The following XYLB variants were observed in gnomAD, a reference collection of about 807,000 sequenced individuals.
XYLB encodes xylulokinase.
XYLB carries 62 observed loss-of-function variants against 78.7 expected under a neutral mutation model. The ratio of observed to expected loss-of-function variants is 0.79; its 90% CI spans 0.64 to 0.97. XYLB has a LOEUF of 0.97. Among genes scored for constraint, XYLB ranks in the 50% least tolerant of loss-of-function variants. The pLI is 0.00. For missense variants in XYLB, 687 were observed against 676.8 expected (o/e 1.02, Z -0.17); for synonymous variants, 245 against 247.4 (o/e 0.99, Z 0.09).
intron 9 of XYLB, among the ~76,000 whole-genome samples, chr3:38,371,396 C>G (rs1234488727): frequency 2.0e-5 from 3 of 152,126 alleles, no homozygotes; most frequent in Non-Finnish European, 4.4e-5. Context: ...GCCTCAGCCT[C>G]CCGAGTAGCT....
At chr3:38,399,584 T>C (rs1355200902) in intron 17 of XYLB, among the ~76,000 whole-genome samples, 1 of 152,242 alleles carries the variant, frequency 6.6e-6, no homozygotes, top group Non-Finnish European at 1.5e-5. Context: ...ACTGTGAAGA[T>C]ACTCTTCCAT....
At chr3:38,367,557 AGG>A (rs953886461) in intron 7 of XYLB, among the ~76,000 whole-genome samples, 4 of 152,244 alleles carry the variant, frequency 2.6e-5, no homozygotes, top group African/African-American at 9.6e-5. Flanking sequence ...CTTTGGGTAG[AGG>A]GGTGAAAACC....
chr3:38,410,913 A>G (rs1708554239), intron 18 of XYLB, among the ~76,000 whole-genome samples: 1 of 152,006 alleles, frequency 6.6e-6, no homozygotes, highest in Non-Finnish European at 1.5e-5. Context: ...AGAAATAGGA[A>G]CACTTTTACA....
At chr3:38,443,279 C>T in the XYLB span, among the ~76,000 whole-genome samples, 57 of 152,310 alleles carry the variant, frequency 3.7e-4, no homozygotes, top group South Asian at 6.2e-4. Flanking sequence ...TAAGCCGGTG[C>T]TTGTTCCAGG....
the XYLB span, among the ~76,000 whole-genome samples, chr3:38,449,679 C>T: frequency 5.3e-5 from 8 of 152,226 alleles, no homozygotes; most frequent in Non-Finnish European, 1.2e-4. Context: ...CTCTCTTTCC[C>T]TTGTCTCTCC....
intron 2 of XYLB, among the ~76,000 whole-genome samples, chr3:38,354,406 T>C (rs1214180885): frequency 6.6e-6 from 1 of 151,114 alleles, no homozygotes; most frequent in Non-Finnish European, 1.5e-5. Context: ...TGGTCCCCTC[T>C]GTTTGTTTTT....
At chr3:38,384,253 A>G (rs1430314226) in intron 15 of XYLB, among the ~76,000 whole-genome samples, 2 of 151,986 alleles carry the variant, frequency 1.3e-5, no homozygotes, top group Non-Finnish European at 1.5e-5. Flanking sequence ...TTTAGTAGAG[A>G]CGGGGTTTCA....
In XYLB at chr3:38,413,771, A is replaced by C. The variant is rs1274273218; in HGVS notation, c.*758A>C. 1 of 152,152 alleles carries C rather than the reference A, an allele frequency of 6.6e-6. No individual in the cohort carries two copies. Among genetic ancestry groups the C allele is most frequent in the Non-Finnish European group, 1.5e-5 (1 of 68,060 alleles). The allele number at this position is 152,152 out of a possible 1,614,324, so 9.4% of individuals were successfully genotyped here. Reference sequence around the variant, plus strand: ...CTTTAGCTATGCCCACAGATCACTGAGAGGGACCATCTCCCAAGTGGTGCA... The same window carrying C: ...CTTTAGCTATGCCCACAGATCACTGCGAGGGACCATCTCCCAAGTGGTGCA... On this transcript the variant is annotated 3_prime_UTR_variant, in exon 19 of 19. Coordinates refer to ENST00000207870, the MANE Select transcript of XYLB (RefSeq NM_005108.4).
At chr3:38,367,396 C>T (rs909089459) in intron 7 of XYLB, among the ~76,000 whole-genome samples, 11 of 152,212 alleles carry the variant, frequency 7.2e-5, no homozygotes, top group African/African-American at 1.7e-4. Context: ...AACAGCCCCA[C>T]GCCCTGGCTA....
At chr3:38,449,970 C>G in the XYLB span, among the ~76,000 whole-genome samples, 2 of 152,038 alleles carry the variant, frequency 1.3e-5, no homozygotes, top group Non-Finnish European at 2.9e-5. Flanking sequence ...AGTACGAGGT[C>G]TAGGAAGAAA....
intron 18 of XYLB, among the ~76,000 whole-genome samples, chr3:38,404,515 T>C (rs1410370146): frequency 1.3e-5 from 2 of 152,178 alleles, no homozygotes; most frequent in East Asian, 3.9e-4. Flanking sequence ...CATAATCAGT[T>C]GTTAAAATAC....
At chr3:38,354,448 T>C (rs1368823104) in intron 2 of XYLB, among the ~76,000 whole-genome samples, 2 of 152,112 alleles carry the variant, frequency 1.3e-5, no homozygotes, top group African/African-American at 2.4e-5. Context: ...ATTCTTGTTC[T>C]TTTTCAATAT....
chr3:38,347,137 G>A (rs1705107924), intron 1 of XYLB, among the ~76,000 whole-genome samples: 1 of 152,172 alleles, frequency 6.6e-6, no homozygotes, highest in South Asian at 2.1e-4. Context: ...CCACCCGCTC[G>A]CAAGATGCGG....
intron 2 of XYLB, among the ~76,000 whole-genome samples, chr3:38,349,339 GC>G (rs1157762351): frequency 2.6e-5 from 4 of 152,242 alleles, no homozygotes; most frequent in Non-Finnish European, 5.9e-5. Flanking sequence ...GCTATGGTCA[GC>G]CACTAAGGGC....
chr3:38,452,943 A>G, the XYLB span: 3 of 152,246 alleles, frequency 2.0e-5, no homozygotes, highest in Admixed American at 6.5e-5. Context: ...AAGACAGAGG[A>G]CAATTAATGT....
Position 38,407,196 on chromosome 3 carries a change from T to C in XYLB, c.1534-5740T>C, listed in dbSNP as rs1291836793. Among the ~76,000 whole-genome samples, 30 of 149,764 alleles carry C rather than the reference T, an allele frequency of 2.0e-4. No homozygotes were observed. The East Asian group carries it at 3.1e-3, about 16-fold the overall frequency. On this transcript the variant is annotated intron_variant, in intron 18 of 18. Coordinates refer to ENST00000207870, the MANE Select transcript of XYLB (RefSeq NM_005108.4). ...TAACAGCGGATCTCTCGGCAGAAAC[T>C]CTACAAGCCAGAAGAGAGTGGGGGC...
intron 17 of XYLB, among the ~76,000 whole-genome samples, chr3:38,398,190 C>T (rs1707966347): frequency 6.6e-6 from 1 of 151,520 alleles, no homozygotes; most frequent in African/African-American, 2.4e-5. Flanking sequence ...TTAACCTTGG[C>T]CGGGTGTGGT....
chr3:38,420,500 T>C (rs1458362141), exon 18 of XYLB, among the ~76,000 whole-genome samples: 1 of 152,220 alleles, frequency 6.6e-6, no homozygotes, highest in African/African-American at 2.4e-5. Context: ...ATGTGTAGGT[T>C]TGTCTTGAAT....
Position 38,379,265 on chromosome 3 carries a change from A to G in XYLB, c.1214A>G (p.Asp405Gly). Residue 405 changes from aspartate to glycine, a missense_variant, in exon 15 of 19, where the codon GAT becomes GGT. Coordinates refer to ENST00000207870, the MANE Select transcript of XYLB (RefSeq NM_005108.4). The stretch of plus-strand genomic sequence containing the variant: ...AGACAGGTTGCAGCATTCCCTGGGG[A>G]TGTGGAGGTTCGAGCACTAATTGAA... Reference protein sequence around the residue: ...ENHKVAAFPGDVEVRALIEGQ... With the variant: ...ENHKVAAFPGGVEVRALIEGQ... The G allele has an allele frequency of 6.2e-7, 1 of 1,613,908 alleles. No homozygotes were observed. Among genetic ancestry groups the G allele is most frequent in the Non-Finnish European group, 8.5e-7 (1 of 1,180,014 alleles).
Sources: allele counts gnomAD v4.1 joint callset (sites outside exome capture counted in the v4.1 genomes callset), GRCh38; gene constraint gnomAD v4.1.1; transcripts MANE v1.5; gene names NCBI Gene and HGNC (gene_info 2026-07-23, HGNC 2026-07-21).